The following TENM1 variants were observed in gnomAD, a reference collection of about 807,000 sequenced individuals.
TENM1 encodes the protein teneurin-1.
A neutral mutation model predicts 174.8 loss-of-function variants in TENM1; 35 were observed. That is an observed-to-expected ratio of 0.20 (90% confidence interval 0.15 to 0.27). The LOEUF (loss-of-function observed/expected upper bound fraction) is 0.27. Ranked by LOEUF, TENM1 falls within the 10% of genes least tolerant of loss-of-function variation. TENM1 has a pLI of 1.00. For synonymous variants in TENM1, 781 were observed against 798.7 expected (o/e 0.98, Z 0.37); for missense variants, 1,633 against 2,130.1 (o/e 0.77, Z 4.59).
chrX:124,405,001 T>C, intron 27 of TENM1, 30 bp downstream of exon 30: 1 of 1,151,032 alleles, frequency 8.7e-7, no homozygotes, highest in Non-Finnish European at 1.2e-6. Context: ...CCTATAAAAG[T>C]TCTATATCTT....
intron 27 of TENM1, among the ~76,000 whole-genome samples, chrX:124,395,450 G>A (rs1485564278): frequency 1.8e-5 from 2 of 109,935 alleles, no homozygotes; most frequent in Non-Finnish European, 3.8e-5. Flanking sequence ...CCTACCAAAT[G>A]TTCCATGCCA....
At chrX:125,032,075 G>A in the TENM1 span, among the ~76,000 whole-genome samples, 24 of 111,250 alleles carry the variant, frequency 2.2e-4, no homozygotes, top group African/African-American at 7.2e-4. Context: ...TGGGAGGCGG[G>A]GTGGTAGAGT....
At position 124,726,098 on chromosome X, in the gene TENM1, T is replaced by G. The variant is rs779205152; in HGVS notation, c.776+10859A>C. ...TTGTTTGCTATACTCGTATATTACA[T>G]CAATCAACTCATTTTTAAAAATTCC... On this transcript the variant is annotated intron_variant, in intron 4 of 31. Coordinates refer to ENST00000422452, the Ensembl canonical transcript of TENM1. 1.1e-3 allele frequency among the ~76,000 whole-genome samples: 124 copies of G among 112,592 alleles called. 1 individual carries two copies. Among genetic ancestry groups the G allele is most frequent in the African/African-American group, 2.3e-3 (70 of 31,099 alleles).
At chrX:124,688,454 T>A (rs1449783366) in intron 5 of TENM1, 1 of 109,871 alleles carries the variant, frequency 9.1e-6, no homozygotes, top group Non-Finnish European at 1.9e-5. Flanking sequence ...ATTTCCACTT[T>A]ATTTTTCTCC....
At chrX:124,411,212 C>G (rs1458555428) in intron 25 of TENM1, among the ~76,000 whole-genome samples, 1 of 111,711 alleles carries the variant, frequency 9.0e-6, no homozygotes, top group African/African-American at 3.3e-5. Context: ...ACCCATCCCT[C>G]CTCCCCATAT....
the TENM1 span, among the ~76,000 whole-genome samples, chrX:124,979,380 A>T: frequency 8.9e-6 from 1 of 111,918 alleles, no homozygotes; most frequent in African/African-American, 3.2e-5. Context: ...CTGCCCAAAT[A>T]ACTGATGTTT....
intron 5 of TENM1, among the ~76,000 whole-genome samples, chrX:124,673,438 A>G (rs984380514): frequency 2.7e-5 from 3 of 111,839 alleles, no homozygotes; most frequent in African/African-American, 9.7e-5. Context: ...GAGAGTGGGG[A>G]GCACTGAAGG....
chrX:124,949,868 A>G (rs974815375), intron 1 of TENM1, among the ~76,000 whole-genome samples: 2 of 111,891 alleles, frequency 1.8e-5, no homozygotes, highest in African/African-American at 6.5e-5. Context: ...GCTGAATGGC[A>G]TGTACCATGA....
At chrX:125,159,374 C>G in the TENM1 span, among the ~76,000 whole-genome samples, 1 of 111,917 alleles carries the variant, frequency 8.9e-6, no homozygotes, top group Admixed American at 9.5e-5. Flanking sequence ...CATGCTTCAC[C>G]AAACCTAACT....
At chrX:125,046,054 A>T in the TENM1 span, among the ~76,000 whole-genome samples, 1 of 101,094 alleles carries the variant, frequency 9.9e-6, no homozygotes, top group South Asian at 4.2e-4. Flanking sequence ...ATTTAAAAAC[A>T]GAAACAAAAA....
chrX:125,022,215 CTT>C, the TENM1 span, among the ~76,000 whole-genome samples: 3 of 111,728 alleles, frequency 2.7e-5, no homozygotes, highest in Non-Finnish European at 5.6e-5. Context: ...AGCTTAGTGA[CTT>C]TACACTCATT....
chrX:124,553,566 C>T (rs2148137828), intron 14 of TENM1, among the ~76,000 whole-genome samples: 1 of 104,743 alleles, frequency 9.5e-6, no homozygotes, highest in South Asian at 4.5e-4. Context: ...TTAACCATCT[C>T]CAATTCCCCT....
chrX:124,377,749 G>A (rs2060117744), exon 32 of TENM1: 1 of 111,892 alleles, frequency 8.9e-6, no homozygotes, highest in African/African-American at 3.3e-5. Context: ...GTGTGTGGCT[G>A]TGCAGTGTCA....
At chrX:124,382,604 A>G in intron 31 of TENM1, 66 bp downstream of exon 34, 1 of 1,060,923 alleles carries the variant, frequency 9.4e-7, no homozygotes, top group South Asian at 2.1e-5. Context: ...ATGTATATAT[A>G]ATTTCTGGGT....
chrX:125,088,391 C>G, the TENM1 span, among the ~76,000 whole-genome samples: 1 of 110,676 alleles, frequency 9.0e-6, no homozygotes, highest in Non-Finnish European at 1.9e-5. Context: ...CTAAGGAAAT[C>G]TGAATAAATC....
intron 25 of TENM1, among the ~76,000 whole-genome samples, chrX:124,419,999 T>C (rs1007045849): frequency 4.5e-5 from 5 of 112,134 alleles, no homozygotes; most frequent in African/African-American, 1.6e-4. Context: ...AATTGTACCT[T>C]ATCTTCCCAG....
the TENM1 span, among the ~76,000 whole-genome samples, chrX:125,041,577 C>T: frequency 8.9e-6 from 1 of 112,126 alleles, no homozygotes; most frequent in Non-Finnish European, 1.9e-5. Context: ...TTCATGACCT[C>T]AAAGATCCTT....
At chrX:124,811,711 A>C (rs183449400) in intron 3 of TENM1, among the ~76,000 whole-genome samples, 1 of 111,643 alleles carries the variant, frequency 9.0e-6, no homozygotes, top group East Asian at 2.8e-4. Context: ...AGATATCTAC[A>C]CTCCCATGTT....
chrX:124,701,803 T>G (rs2052782219), intron 5 of TENM1, among the ~76,000 whole-genome samples: 1 of 111,932 alleles, frequency 8.9e-6, no homozygotes, highest in South Asian at 3.7e-4. Flanking sequence ...ATAGGACTGG[T>G]TGGCTGAACA....
Sources: allele counts gnomAD v4.1 joint callset (sites outside exome capture counted in the v4.1 genomes callset), GRCh38; gene constraint gnomAD v4.1.1; transcripts MANE v1.5; gene names NCBI Gene and HGNC (gene_info 2026-07-23, HGNC 2026-07-21).